The following YTHDC2 variants were observed in gnomAD, a reference collection of about 807,000 sequenced individuals.
YTHDC2 encodes YTH N6-methyladenosine RNA binding protein C2.
Under a neutral mutation model 174.9 loss-of-function variants are expected in YTHDC2, and 45 were observed. The ratio of observed to expected loss-of-function variants is 0.26; its 90% CI spans 0.20 to 0.33. YTHDC2 has a LOEUF of 0.33. YTHDC2 is among the 10% of genes least tolerant of loss of function. The pLI, the probability that YTHDC2 is intolerant of heterozygous loss-of-function variation, is 1.00. For missense variants in YTHDC2, 1,650 were observed against 1,723.7 expected, an observed-to-expected ratio of 0.96 and a Z score of 0.76; for synonymous variants, 657 against 574.5, an observed-to-expected ratio of 1.14 and a Z score of -2.05.
chr5:113,594,954 T>C lies in YTHDC2; in HGVS notation c.*1480T>C, dbSNP rs1779186089. On this transcript the variant is annotated 3_prime_UTR_variant, in exon 30 of 30. Coordinates refer to ENST00000161863, the MANE Select transcript of YTHDC2 (RefSeq NM_022828.5). ...TCTAGTTATTAGCTTTGGGGTTTTC[T>C]TGTACTTTAAGACATACCTGTAAAT... 2.0e-5 allele frequency: 3 copies of C among 152,316 alleles called. No individual in the cohort carries two copies. In the South Asian group the frequency reaches 6.2e-4, roughly 32 times the overall value. The allele number at this position is 152,316 out of a possible 1,614,324, so 9.4% of individuals were successfully genotyped here. A position where few individuals can be genotyped will look rare whatever the true frequency, so the allele number is the denominator to read the frequency against.
Position 113,591,055 on chromosome 5 carries a change from T to G in YTHDC2, c.3840T>G (p.Pro1280=), listed in dbSNP as rs760934787. Residue 1280 remains proline, a synonymous_variant, in exon 27 of 30, where the codon CCT becomes CCG. Coordinates refer to ENST00000161863, the MANE Select transcript of YTHDC2 (RefSeq NM_022828.5). ...PPSSGKGSKS[P]SPRPNMPVRY... ...TTCTTTTATAGGGCTCAAAATCTCC[T>G]TCGCCAAGACCAAACATGCCTGTTC... 1 of 1,613,694 alleles carries G rather than the reference T, an allele frequency of 6.2e-7. No homozygotes were observed. The highest frequency in any genetic ancestry group is 1.3e-5 in the African/African-American group (1 of 75,016).
rs143032973 is a variant in YTHDC2 at position 113,516,489 on chromosome 5, C to A, written c.278+1127C>A. On this transcript the variant is annotated intron_variant, in intron 2 of 29. Transcript: ENST00000161863. ...GGGATCAATGTAAAGGAAGCTTTCT[C>A]ACTGTTGGTGCTATTGACATTTTGG... 2.4e-4 allele frequency among the ~76,000 whole-genome samples: 36 copies of A among 152,292 alleles called. No individual in the cohort carries two copies. In the East Asian group the frequency reaches 5.8e-3, roughly 24 times the overall value.
At chr5:113,527,893 C>T (rs769632002) in intron 4 of YTHDC2, among the ~76,000 whole-genome samples, 2 of 151,962 alleles carry the variant, frequency 1.3e-5, no homozygotes, top group Admixed American at 6.6e-5. Flanking sequence ...CAGGTTCAAG[C>T]GATTCTCCTG....
intron 26 of YTHDC2, among the ~76,000 whole-genome samples, chr5:113,587,681 A>C (rs1036380176): frequency 2.7e-5 from 4 of 149,784 alleles, no homozygotes; most frequent in Non-Finnish European, 5.9e-5. Flanking sequence ...AAATCAGTTA[A>C]TCCTTCAATC....
intron 23 of YTHDC2, among the ~76,000 whole-genome samples, chr5:113,578,597 T>G (rs1778210777): frequency 6.6e-6 from 1 of 152,144 alleles, no homozygotes; most frequent in South Asian, 2.1e-4. Flanking sequence ...TATTTAAAAC[T>G]TATATTTATC....
At chr5:113,572,388 T>C (rs1002268592) in intron 23 of YTHDC2, among the ~76,000 whole-genome samples, 1 of 152,274 alleles carries the variant, frequency 6.6e-6, no homozygotes, top group African/African-American at 2.4e-5. Flanking sequence ...CTTCCAGTTA[T>C]GTGATCAATT....
chr5:113,590,080 C>T (rs1561714825), intron 26 of YTHDC2, among the ~76,000 whole-genome samples: 1 of 152,166 alleles, frequency 6.6e-6, no homozygotes, highest in South Asian at 2.1e-4. Context: ...ATCAGAGTCT[C>T]AAGATGACAA....
Position 113,564,124 on chromosome 5 carries a change from C to A in YTHDC2, c.2708C>A (p.Ala903Glu), listed in dbSNP as rs1264276086. 6.2e-7 allele frequency: 1 copy of A among 1,613,500 alleles called. No homozygotes were observed. The highest frequency in any genetic ancestry group is 8.5e-7 in the Non-Finnish European group (1 of 1,179,622). ...AFSDHMALLR[A>E]FQAWQKARSD... ...AGTGACCATATGGCACTTCTCAGAG[C>A]ATTCCAGGTACTATTACTGTCATTT... The change falls in exon 20 of 30, where the codon GCA (alanine) becomes GAA (glutamate). Residue 903 changes from alanine to glutamate, a missense_variant. This residue lies in a region of YTHDC2 where 913 missense variants were observed against 940.4 expected (regional missense o/e 0.97). Coordinates refer to ENST00000161863, the MANE Select transcript of YTHDC2 (RefSeq NM_022828.5).
At chr5:113,550,152 A>AC (rs1776152402) in intron 12 of YTHDC2, among the ~76,000 whole-genome samples, 2 of 151,552 alleles carry the variant, frequency 1.3e-5, no homozygotes, top group African/African-American at 4.8e-5. Flanking sequence ...CAGGTACAGC[A>AC]CAGGGGATAG....
At chr5:113,569,302 C>A (rs1175217124) in intron 23 of YTHDC2, among the ~76,000 whole-genome samples, 1 of 152,082 alleles carries the variant, frequency 6.6e-6, no homozygotes, top group Non-Finnish European at 1.5e-5. Flanking sequence ...TGTCTGTTTC[C>A]TCTGATGATA....
intron 4 of YTHDC2, 25 bp downstream of exon 4, chr5:113,526,810 A>AC: frequency 8.9e-6 from 4 of 451,472 alleles, no homozygotes; most frequent in Non-Finnish European, 1.1e-5. Context: ...TGTTGTTTAT[A>AC]GAAAAAAAAA....
chr5:113,549,160 C>A, intron 12 of YTHDC2, 140 bp downstream of exon 12: 1 of 640,888 alleles, frequency 1.6e-6, no homozygotes, highest in Non-Finnish European at 2.6e-6. Flanking sequence ...AGGAAATTTT[C>A]TGTCTGATCT....
chr5:113,555,801 A>G (rs1403138041), intron 16 of YTHDC2, among the ~76,000 whole-genome samples: 3 of 152,200 alleles, frequency 2.0e-5, no homozygotes, highest in African/African-American at 7.2e-5. Flanking sequence ...AGAGCAACAA[A>G]TAGCTCAGCA....
chr5:113,520,685 C>T (rs1722617525), intron 2 of YTHDC2, among the ~76,000 whole-genome samples: 1 of 152,020 alleles, frequency 6.6e-6, no homozygotes, highest in Admixed American at 6.5e-5. Flanking sequence ...GCAACAAGGA[C>T]CAATGGTTCT....
intron 7 of YTHDC2, among the ~76,000 whole-genome samples, chr5:113,537,681 C>A (rs943695753): frequency 6.6e-6 from 1 of 151,802 alleles, no homozygotes; most frequent in Non-Finnish European, 1.5e-5. Flanking sequence ...ATGCCCTGGG[C>A]TTCTATTTTT....
At chr5:113,556,335 G>A (rs1776608671) in intron 17 of YTHDC2, 4 of 375,460 alleles carry the variant, frequency 1.1e-5, no homozygotes, top group Non-Finnish European at 1.9e-5. Context: ...AAAAACTTTT[G>A]CCTAGTTAAA....
Position 113,557,063 on chromosome 5 carries a change from T to G in YTHDC2, c.2216+929T>G, listed in dbSNP as rs77435604. ...TAGTAGTCTTTTGTGGTAAGAAAAA[T>G]ATATGTGTGTTTGTGTATGTATTTT... is the stretch of plus-strand genomic sequence containing the variant. On this transcript the variant is annotated intron_variant, in intron 17 of 29. Transcript: ENST00000161863. Among the ~76,000 whole-genome samples the G allele has an allele frequency of 2.3e-3, 346 of 152,168 alleles. 4 individuals are homozygous for G. In the East Asian group the frequency reaches 0.03, roughly 13 times the overall value.
chr5:113,567,672 C>G lies in YTHDC2; in HGVS notation c.3067C>G (p.Gln1023Glu), dbSNP rs371904467. The change falls in exon 23 of 30, where the codon CAA (glutamine) becomes GAA (glutamate). Residue 1023 changes from glutamine to glutamate, a missense_variant. By Grantham distance (29) the Gln-to-Glu change is conservative. Transcript: ENST00000161863. ...TTAATAGATTCCTCCAGCCAATGGTCAAGCTGCAGCAATTAAGGCACTGCC... is the reference window on the plus strand; with the variant it reads ...TTAATAGATTCCTCCAGCCAATGGTGAAGCTGCAGCAATTAAGGCACTGCC... ...QYKKIPPANG[Q>E]AAAIKALPTD... is the part of the protein sequence containing the mutation. 6.2e-7 allele frequency: 1 copy of G among 1,600,968 alleles called. No individual in the cohort carries two copies. Among genetic ancestry groups the G allele is most frequent in the Non-Finnish European group, 8.5e-7 (1 of 1,175,502 alleles).
Position 113,565,875 on chromosome 5 carries a change from A to G in YTHDC2, c.2716-18A>G, listed in dbSNP as rs377072880. On this transcript the variant is annotated intron_variant, in intron 20 of 29. Coordinates refer to ENST00000161863, the MANE Select transcript of YTHDC2 (RefSeq NM_022828.5). ...ATTAGTAAATGTGTCTTGTTATGCA[A>G]TTATTCTCTTTTTATAGGCCTGGCA... is the stretch of plus-strand genomic sequence containing the variant. 10 of 1,608,324 alleles carry G rather than the reference A, an allele frequency of 6.2e-6. No homozygotes were observed. Among genetic ancestry groups the G allele is most frequent in the African/African-American group, 2.7e-5 (2 of 74,574 alleles).
Sources: allele counts gnomAD v4.1 joint callset (sites outside exome capture counted in the v4.1 genomes callset), GRCh38; gene constraint gnomAD v4.1.1; regional missense constraint gnomAD v4.1.1; transcripts MANE v1.5; gene names NCBI Gene and HGNC (gene_info 2026-07-23, HGNC 2026-07-21).